The following ABCC1 variants were observed in gnomAD, a reference collection of about 807,000 sequenced individuals.
ABCC1 encodes ATP binding cassette subfamily C member 1 (ABCC1 blood group).
ABCC1 carries 83 observed loss-of-function variants against 172.9 expected under a neutral mutation model. That is an observed-to-expected ratio of 0.48 (90% CI 0.40 to 0.58). The LOEUF (loss-of-function observed/expected upper bound fraction) is 0.58. Among genes scored for constraint, ABCC1 ranks in the 20% least tolerant of loss-of-function variants. The pLI is 0.00. For missense variants in ABCC1, 1,817 were observed against 2,002.7 expected, an observed-to-expected ratio of 0.91 and a Z score of 1.77; for synonymous variants, 937 against 825.2, an observed-to-expected ratio of 1.14 and a Z score of -2.32.
intron 1 of ABCC1, among the ~76,000 whole-genome samples, chr16:15,984,214 G>A (rs1216825968): frequency 6.6e-6 from 1 of 152,160 alleles, no homozygotes; most frequent in African/African-American, 2.4e-5. Context: ...CATAAGACGA[G>A]GAAGCCCTTT....
At chr16:16,048,418 G>A (rs1280083217) in intron 10 of ABCC1, 115 bp downstream of exon 10, 47 of 1,228,306 alleles carry the variant, frequency 3.8e-5, no homozygotes, top group Non-Finnish European at 4.8e-5. Context: ...TGGCAGTTCC[G>A]GCTGTGGTTC....
chr16:16,020,363 CCTCTGGGTTCCTGTTCAGGAACCCCATGG>C (rs1310004558), intron 5 of ABCC1, among the ~76,000 whole-genome samples: 2 of 152,178 alleles, frequency 1.3e-5, no homozygotes, highest in African/African-American at 4.8e-5. Flanking sequence ...CCTGAACTTC[CCTCTGGGTTCCTGTTCAGGAACCCCATGG>C]GGTTGCCATT....
intron 29 of ABCC1, 63 bp from the exon 30 acceptor site, chr16:16,138,301 T>G (rs2045991698): frequency 6.7e-7 from 1 of 1,487,032 alleles, no homozygotes; most frequent in Non-Finnish European, 9.1e-7. Context: ...AGCCTGGGCC[T>G]AGGTTCAGGG....
chr16:16,106,796 G>A lies in ABCC1; in HGVS notation c.2794G>A (p.Ala932Thr), dbSNP rs768011444. The A allele has an allele frequency of 5.6e-6, 9 of 1,613,974 alleles. No individual in the cohort carries two copies. The highest frequency in any genetic ancestry group is 5.5e-5 in the South Asian group (5 of 91,090). Residue 932 changes from alanine (A) to threonine (T), a missense_variant, in exon 21 of 31, where the codon GCA becomes ACA. Physicochemically the swap from Ala to Thr is moderately conservative, Grantham distance 58. Around this residue, in one of 3 missense-constraint regions of ABCC1, gnomAD observed 1,412 missense variants for 1,600.3 expected, o/e 0.88. Coordinates refer to ENST00000399410, the MANE Select transcript of ABCC1 (RefSeq NM_004996.4). ...CATCAGCAGGCACCACAACAGCACC[G>A]CAGAACTGCAGAAAGCTGAGGCCAA... ...GDISRHHNSTAELQKAEAKKE... is the reference protein window; with the variant it reads ...GDISRHHNSTTELQKAEAKKE...
chr16:16,018,453 G>A (rs2048081509), intron 5 of ABCC1, among the ~76,000 whole-genome samples: 1 of 152,140 alleles, frequency 6.6e-6, no homozygotes, highest in African/African-American at 2.4e-5. Context: ...GGAGGCTGAG[G>A]CAGGAGAATC....
In ABCC1 at chr16:16,106,803, T is replaced by C; in HGVS notation, c.2801T>C (p.Leu934Pro). ...AGGCACCACAACAGCACCGCAGAAC[T>C]GCAGAAAGCTGAGGCCAAGAAGGAG... ...ISRHHNSTAE[L>P]QKAEAKKEET... The change falls in exon 21 of 31, where the codon CTG becomes CCG. Residue 934 changes from leucine to proline, a missense_variant. Coordinates refer to ENST00000399410, the MANE Select transcript of ABCC1 (RefSeq NM_004996.4). The C allele has an allele frequency of 6.2e-7, 1 of 1,614,072 alleles. No individual in the cohort carries two copies.
chr16:15,973,398 CA>C (rs1224533472), intron 1 of ABCC1, among the ~76,000 whole-genome samples: 1 of 152,134 alleles, frequency 6.6e-6, no homozygotes, highest in South Asian at 2.1e-4. Context: ...GGGTAGAGGC[CA>C]GGGGGTGTGC....
intron 20 of ABCC1, among the ~76,000 whole-genome samples, chr16:16,104,103 T>TAG (rs1295832769): frequency 6.6e-6 from 1 of 152,146 alleles, no homozygotes; most frequent in Non-Finnish European, 1.5e-5. Context: ...AGTGAAGCTG[T>TAG]AGACCTTGAT....
At chr16:16,076,446 A>T (rs2050576761) in intron 15 of ABCC1, 45 bp downstream of exon 15, 2 of 1,531,478 alleles carry the variant, frequency 1.3e-6, no homozygotes, top group Non-Finnish European at 1.8e-6. Flanking sequence ...AGAGAGCCAC[A>T]GGGCTTTTGT....
chr16:16,075,054 C>G (rs1055590151), intron 14 of ABCC1, among the ~76,000 whole-genome samples: 1 of 150,760 alleles, frequency 6.6e-6, no homozygotes, highest in African/African-American at 2.4e-5. Context: ...AAGCGATTCT[C>G]ATGTCTCAGA....
chr16:16,103,388 T>G (rs2152061052), intron 20 of ABCC1, among the ~76,000 whole-genome samples: 2 of 152,210 alleles, frequency 1.3e-5, no homozygotes, highest in South Asian at 4.2e-4. Context: ...AAGACCAGCC[T>G]GGCCAACATG....
Position 16,083,485 on chromosome 16 carries a change from C to A in ABCC1, c.2235C>A (p.Ala745=), listed in dbSNP as rs757732140. The A allele has an allele frequency of 8.7e-6, 14 of 1,613,910 alleles. No homozygotes were observed. The East Asian group carries it at 3.1e-4, about 36-fold the overall frequency. Residue 745 remains alanine (A), a synonymous_variant, in exon 17 of 31, where the codon GCC becomes GCA. Transcript: ENST00000399410. ...PYYRSVIQAC[A]LLPDLEILPS... Reference sequence around the variant, plus strand: ...ACAGGTCCGTGATACAGGCCTGTGCCCTCCTCCCAGACCTGGAAATCCTGC... The same window carrying A: ...ACAGGTCCGTGATACAGGCCTGTGCACTCCTCCCAGACCTGGAAATCCTGC...
chr16:16,095,501 A>G (rs2051435381), intron 19 of ABCC1, among the ~76,000 whole-genome samples: 1 of 152,190 alleles, frequency 6.6e-6, no homozygotes, highest in Non-Finnish European at 1.5e-5. Flanking sequence ...TACAGCACTC[A>G]AGACGAATTC....
intron 10 of ABCC1, among the ~76,000 whole-genome samples, chr16:16,049,706 A>G (rs1266607449): frequency 6.6e-6 from 1 of 152,074 alleles, no homozygotes; most frequent in Non-Finnish European, 1.5e-5. Flanking sequence ...TTGTTTTGAC[A>G]TGGAGTCGCG....
chr16:15,960,987 G>T (rs215098), intron 1 of ABCC1, among the ~76,000 whole-genome samples: 111,903 of 148,540 alleles, frequency 0.75, 42,363 homozygotes, highest in Non-Finnish European at 0.8. Context: ...GTTTATGTTT[G>T]AATGAAACGC....
rs557510387 is a variant in ABCC1, at chr16:16,104,238, C to T, written c.2735+1521C>T. Among the ~76,000 whole-genome samples, 645 of 152,288 alleles carry T rather than the reference C, an allele frequency of 4.2e-3. 2 individuals are homozygous for T. Among genetic ancestry groups the T allele is most frequent in the Non-Finnish European group, 6.2e-3 (425 of 68,014 alleles). On this transcript the variant is annotated intron_variant, in intron 20 of 30. Transcript: ENST00000399410. ...AGGGTACCCCAGTAGGTGGCCACTG[C>T]TGGCTCTGGCAGCCAGCTTTTATTC...
At chr16:16,004,988 T>C (rs745765653) in intron 1 of ABCC1, among the ~76,000 whole-genome samples, 2 of 151,646 alleles carry the variant, frequency 1.3e-5, no homozygotes, top group Non-Finnish European at 2.9e-5. Context: ...TCTTTAATTA[T>C]TGGAACATGT....
intron 18 of ABCC1, among the ~76,000 whole-genome samples, chr16:16,089,456 G>A (rs1464815224): frequency 6.6e-6 from 1 of 152,010 alleles, no homozygotes; most frequent in Non-Finnish European, 1.5e-5. Flanking sequence ...GCTGAGGCAG[G>A]AGAATCGCTT....
intron 16 of ABCC1, among the ~76,000 whole-genome samples, chr16:16,081,760 C>A (rs1596472645): frequency 6.6e-6 from 1 of 152,190 alleles, no homozygotes; most frequent in East Asian, 1.9e-4. Context: ...TGGCTCACAT[C>A]TGTAATCCCA....
Sources: allele counts gnomAD v4.1 joint callset (sites outside exome capture counted in the v4.1 genomes callset), GRCh38; gene constraint gnomAD v4.1.1; regional missense constraint gnomAD v4.1.1; transcripts MANE v1.5; gene names NCBI Gene and HGNC (gene_info 2026-07-23, HGNC 2026-07-21).